The following MAPK14 variants were observed in gnomAD, a reference collection of about 807,000 sequenced individuals.
MAPK14 encodes the protein mitogen-activated protein kinase 14, also known as CSAID-binding protein.
A neutral mutation model predicts 49.6 loss-of-function variants in MAPK14; 16 were observed. The observed-to-expected ratio is 0.32, with a 90% confidence interval of 0.22 to 0.49. MAPK14 has a LOEUF of 0.49. MAPK14 is among the 20% of genes least tolerant of loss of function. The pLI is 0.99. For synonymous variants in MAPK14, 142 were observed against 158.0 expected, an observed-to-expected ratio of 0.90 and a Z score of 0.76; for missense variants, 200 against 441.2, an observed-to-expected ratio of 0.45 and a Z score of 4.90.
At chr6:36,040,037 T>C (rs115608698) in intron 1 of MAPK14, among the ~76,000 whole-genome samples, 2,699 of 151,266 alleles carry the variant, frequency 0.018, 76 homozygotes, top group African/African-American at 0.061. Context: ...AGAGGAGACA[T>C]ATTTATGTTT....
chr6:36,050,525 T>G (rs1763352320), intron 1 of MAPK14, among the ~76,000 whole-genome samples: 1 of 152,132 alleles, frequency 6.6e-6, no homozygotes. Flanking sequence ...GGATGTTGGG[T>G]GTGCCGTTCA....
At chr6:36,031,330 A>G (rs574985286) in intron 1 of MAPK14, among the ~76,000 whole-genome samples, 1 of 151,636 alleles carries the variant, frequency 6.6e-6, no homozygotes, top group African/African-American at 2.4e-5. Context: ...TGTTCTTTCA[A>G]TGAGTACCTT....
chr6:36,060,603 A>G (rs1341245069), intron 3 of MAPK14, among the ~76,000 whole-genome samples: 2 of 151,870 alleles, frequency 1.3e-5, no homozygotes, highest in Non-Finnish European at 2.9e-5. Flanking sequence ...GTTTCTCCTC[A>G]CCCTTATCCT....
chr6:36,116,556 T>C, the MAPK14 span, among the ~76,000 whole-genome samples: 2 of 152,226 alleles, frequency 1.3e-5, no homozygotes, highest in East Asian at 1.9e-4. Context: ...GAAGCAATTC[T>C]TGTTAAGAAT....
chr6:36,077,186 C>G (rs1176121148), intron 8 of MAPK14, among the ~76,000 whole-genome samples: 3 of 152,168 alleles, frequency 2.0e-5, no homozygotes, highest in Non-Finnish European at 4.4e-5. Context: ...TACTCCAAGA[C>G]TTACTGTCTA....
intron 2 of MAPK14, 74 bp downstream of exon 2, chr6:36,052,902 A>T: frequency 7.3e-7 from 1 of 1,367,786 alleles, no homozygotes; most frequent in South Asian, 1.3e-5. Flanking sequence ...ATTACTGCAG[A>T]TGGAAATACG....
In MAPK14 at chr6:36,030,454, G is replaced by A. The variant is rs189568052; in HGVS notation, c.116+2181G>A. ...TGTAATCCCAGCACTTTGGGAGGCCGAGGCGGGTGGATCACAGCGTCAGGA... is the reference window on the plus strand; with the variant it reads ...TGTAATCCCAGCACTTTGGGAGGCCAAGGCGGGTGGATCACAGCGTCAGGA... On this transcript the variant is annotated intron_variant, in intron 1 of 11. Coordinates refer to ENST00000229794, the MANE Select transcript of MAPK14 (RefSeq NM_139012.3). Among the ~76,000 whole-genome samples, 48 of 152,262 alleles carry A rather than the reference G, an allele frequency of 3.2e-4. 1 individual carries two copies. The East Asian group carries it at 8.5e-3, about 27-fold the overall frequency.
At chr6:36,059,202 CT>C in intron 2 of MAPK14, 86 bp from the exon 3 acceptor site, 4 of 865,384 alleles carry the variant, frequency 4.6e-6, no homozygotes, top group Non-Finnish European at 7.2e-6. Context: ...GACCCTGACT[CT>C]TTAAAAAAAA....
intron 8 of MAPK14, among the ~76,000 whole-genome samples, chr6:36,089,201 C>T (rs1393717192): frequency 1.3e-5 from 2 of 152,190 alleles, no homozygotes; most frequent in Admixed American, 1.3e-4. Context: ...GGTACATATA[C>T]ACCATGGAAT....
At chr6:36,114,596 C>A (rs184637696), downstream of MAPK14, among the ~76,000 whole-genome samples, 1 of 144,620 alleles carries the variant, frequency 6.9e-6, no homozygotes, top group Admixed American at 7.0e-5. Context: ...CCAGCCTGGG[C>A]AACAAGAGTG....
chr6:36,047,383 A>C (rs1763220561), intron 1 of MAPK14, among the ~76,000 whole-genome samples: 1 of 152,212 alleles, frequency 6.6e-6, no homozygotes, highest in Non-Finnish European at 1.5e-5. Context: ...CTAGCAGAAC[A>C]TAGCAGCTGA....
chr6:36,065,267 G>A (rs549636351), intron 3 of MAPK14, among the ~76,000 whole-genome samples: 1 of 152,266 alleles, frequency 6.6e-6, no homozygotes, highest in Admixed American at 6.5e-5. Context: ...AATCATTATT[G>A]GAGTATATGC....
At chr6:36,091,974 G>A in intron 8 of MAPK14, 1 of 327,452 alleles carries the variant, frequency 3.1e-6, no homozygotes, top group South Asian at 2.9e-5. Flanking sequence ...AAAATGGCCA[G>A]TGTCGTCTTT....
intron 1 of MAPK14, among the ~76,000 whole-genome samples, chr6:36,042,476 CTTTTTTTTTTTT>C (rs113286534): frequency 2.9e-5 from 3 of 102,686 alleles, no homozygotes; most frequent in Non-Finnish European, 4.0e-5. Context: ...GAAGGAATAT[CTTTTTTTTTTTT>C]TTTTTTTTTG....
intron 3 of MAPK14, among the ~76,000 whole-genome samples, chr6:36,060,100 A>C (rs1161753090): frequency 1.3e-5 from 2 of 152,208 alleles, no homozygotes; most frequent in Non-Finnish European, 2.9e-5. Flanking sequence ...GGGAAAATGA[A>C]ACAGGAAAGG....
chr6:36,088,848 C>T (rs1765101783), intron 8 of MAPK14, among the ~76,000 whole-genome samples: 1 of 151,718 alleles, frequency 6.6e-6, no homozygotes, highest in African/African-American at 2.4e-5. Context: ...AAATGAAAAC[C>T]ACAATGAGAT....
At chr6:36,123,207 G>C in the MAPK14 span, among the ~76,000 whole-genome samples, 1 of 152,102 alleles carries the variant, frequency 6.6e-6, no homozygotes, top group Admixed American at 6.5e-5. Flanking sequence ...GGTGAGGAGG[G>C]CTGTCCACAG....
At chr6:36,075,446 G>C (rs1375296212) in intron 6 of MAPK14, among the ~76,000 whole-genome samples, 7 of 152,054 alleles carry the variant, frequency 4.6e-5, no homozygotes, top group Non-Finnish European at 1.0e-4. Context: ...GTGTGTGTCA[G>C]TGGTTTCTTC....
intron 3 of MAPK14, among the ~76,000 whole-genome samples, chr6:36,065,507 G>GGGGTGTGTGTGTGT (rs1435565312): frequency 4.1e-5 from 5 of 122,454 alleles, no homozygotes; most frequent in African/African-American, 6.2e-5. Flanking sequence ...GGGCAGAAAA[G>GGGGTGTGTGTGTGT]GTGTGTGTGT....
Sources: gnomAD v4.1 joint callset for allele counts (sites outside exome capture counted in the v4.1 genomes callset) on GRCh38, gnomAD v4.1.1 for gene constraint, MANE v1.5 for transcripts, NCBI Gene and HGNC (gene_info 2026-07-23, HGNC 2026-07-21) for gene names.